NINL: variants seen among roughly 807,000 people sequenced by gnomAD.
NINL encodes ninein like, also known as ninein-like protein.
A neutral mutation model predicts 160.3 loss-of-function variants in NINL; 153 were observed. The ratio of observed to expected loss-of-function variants is 0.95; its 90% confidence interval spans 0.84 to 1.09. The LOEUF (loss-of-function observed/expected upper bound fraction) is 1.09, where lower values mean the gene tolerates loss of function less well. Ranked by LOEUF, NINL falls within the 50% of genes least tolerant of loss-of-function variation. The pLI is 0.00. For missense variants in NINL, 1,829 were observed against 1,764.0 expected (o/e 1.04, Z -0.66); for synonymous variants, 800 against 734.8 (o/e 1.09, Z -1.43).
rs112890971 is a variant in NINL at position 25,552,588 on chromosome 20, C to T, written c.-11-25990G>A. Among the ~76,000 whole-genome samples, 1,126 of 152,318 alleles carry T rather than the reference C, an allele frequency of 7.4e-3. 8 individuals are homozygous for T. Among genetic ancestry groups the T allele is most frequent in the Non-Finnish European group, 0.012 (827 of 68,026 alleles). ...CTATACAGACAGAGGCATGCTTGCT[C>T]GCCCTTCTGTCTAAATCACGGAGGG... is the stretch of plus-strand genomic sequence containing the variant. On this transcript the variant is annotated intron_variant, in intron 1 of 23. Coordinates refer to ENST00000278886, the MANE Select transcript of NINL (RefSeq NM_025176.6).
chr20:25,466,071 G>C (rs1284112689), intron 19 of NINL, among the ~76,000 whole-genome samples: 1 of 152,064 alleles, frequency 6.6e-6, no homozygotes, highest in Non-Finnish European at 1.5e-5. Flanking sequence ...TGTCAGGCTG[G>C]AGTGCAGTGG....
At chr20:25,520,121 T>C (rs1228869478) in intron 2 of NINL, among the ~76,000 whole-genome samples, 1 of 150,898 alleles carries the variant, frequency 6.6e-6, no homozygotes, top group African/African-American at 2.4e-5. Context: ...TGACCTTTGG[T>C]AGTAGAGGAA....
Position 25,526,610 on chromosome 20 carries a change from C to G in NINL, c.-11-12G>C. The G allele has an allele frequency of 1.2e-6, 2 of 1,605,800 alleles. No homozygotes were observed. The highest frequency in any genetic ancestry group is 2.2e-5 in the South Asian group (2 of 90,670). On this transcript the variant is annotated splice_polypyrimidine_tract_variant and intron_variant, in intron 1 of 23. Transcript: ENST00000278886. ...CATCCCATAGCAGGCTGGCAGTGTG[C>G]AAGGGAAGAAGAAAACATCAGGACA...
At chr20:25,554,223 C>G (rs1243132315) in intron 1 of NINL, among the ~76,000 whole-genome samples, 5 of 152,030 alleles carry the variant, frequency 3.3e-5, no homozygotes, top group African/African-American at 1.2e-4. Context: ...CTCTGCGGAG[C>G]ATGGGGTCAG....
At chr20:25,553,663 G>A (rs1436518140) in intron 1 of NINL, among the ~76,000 whole-genome samples, 3 of 152,178 alleles carry the variant, frequency 2.0e-5, no homozygotes, top group African/African-American at 7.2e-5. Flanking sequence ...AGACTTGCAC[G>A]CCATTATGTG....
At chr20:25,488,712 C>T (rs1739819412) in intron 13 of NINL, among the ~76,000 whole-genome samples, 1 of 151,930 alleles carries the variant, frequency 6.6e-6, no homozygotes, top group Non-Finnish European at 1.5e-5. Flanking sequence ...TGGAAAACAG[C>T]TATGTTCCCC....
At chr20:25,510,828 G>C in intron 4 of NINL, 88 bp from the exon 5 acceptor site, 1 of 980,266 alleles carries the variant, frequency 1.0e-6, no homozygotes, top group Non-Finnish European at 1.6e-6. Context: ...AGGATGTTTG[G>C]GGAAGTGGGG....
rs542345285 is a variant in NINL at position 25,508,542 on chromosome 20, C to A, written c.517+2132G>T. ...GGTACAGGGCACTGACTGGGAGCCA[C>A]TGACCCTGCCCACACCTCACCAGTG... On this transcript the variant is annotated intron_variant, in intron 5 of 23. Transcript: ENST00000278886. Among the ~76,000 whole-genome samples the A allele has an allele frequency of 5.9e-5, 9 of 152,364 alleles. No homozygotes were observed. In the Middle Eastern group the frequency reaches 0.01, roughly 173 times the overall value.
At chr20:25,491,316 C>T (rs772477704) in intron 11 of NINL, 35 bp downstream of exon 11, 2 of 1,578,860 alleles carry the variant, frequency 1.3e-6, no homozygotes, top group African/African-American at 2.7e-5. Flanking sequence ...TCAGGCACCC[C>T]CCCAGCTTCC....
chr20:25,552,308 A>C (rs945055188), intron 1 of NINL, among the ~76,000 whole-genome samples: 1 of 152,096 alleles, frequency 6.6e-6, no homozygotes, highest in Non-Finnish European at 1.5e-5. Flanking sequence ...CAAAGGTGGG[A>C]GGACCACTTG....
At chr20:25,497,234 G>A (rs116889249) in intron 9 of NINL, among the ~76,000 whole-genome samples, 4,007 of 152,356 alleles carry the variant, frequency 0.026, 63 homozygotes, top group Admixed American at 0.05. Context: ...ATCCCAGCAC[G>A]CTAGTGAGCA....
At chr20:25,570,845 G>A (rs2065047039) in intron 1 of NINL, among the ~76,000 whole-genome samples, 1 of 151,780 alleles carries the variant, frequency 6.6e-6, no homozygotes, top group South Asian at 2.1e-4. Context: ...TGGGACTGCA[G>A]GCACACGCCA....
intron 18 of NINL, among the ~76,000 whole-genome samples, chr20:25,469,599 T>C (rs1329468383): frequency 1.3e-5 from 2 of 152,008 alleles, no homozygotes; most frequent in African/African-American, 2.4e-5. Context: ...CTGAAGCTGT[T>C]ATCAGGAGAG....
intron 1 of NINL, among the ~76,000 whole-genome samples, chr20:25,555,209 C>G (rs2064852172): frequency 6.6e-6 from 1 of 152,190 alleles, no homozygotes. Flanking sequence ...TGGACATCAA[C>G]TTGTGTCCAC....
At chr20:25,471,168 GT>G (rs1331039905) in intron 17 of NINL, among the ~76,000 whole-genome samples, 1 of 151,856 alleles carries the variant, frequency 6.6e-6, no homozygotes, top group Non-Finnish European at 1.5e-5. Context: ...GATAATTTTT[GT>G]TGTGGTGGAG....
At position 25,453,390 on chromosome 20, in the gene NINL, C is replaced by G. The variant is rs1241947836; in HGVS notation, c.*61G>C. On this transcript the variant is annotated 3_prime_UTR_variant, in exon 24 of 24. Transcript: ENST00000278886. ...GGCTCATGACCCACGGAATCTAAGGCAGCACAGTGGCTTAATTTAAAAGAT... is the reference window on the plus strand; with the variant it reads ...GGCTCATGACCCACGGAATCTAAGGGAGCACAGTGGCTTAATTTAAAAGAT... 1 of 1,455,224 alleles carries G rather than the reference C, an allele frequency of 6.9e-7. No homozygotes were observed. The highest frequency in any genetic ancestry group is 9.4e-7 in the Non-Finnish European group (1 of 1,063,508). 90.1% of individuals were successfully genotyped at this position (1,455,224 alleles called of 1,614,324 possible). A position where few individuals can be genotyped will look rare whatever the true frequency, so the allele number is the denominator to read the frequency against.
rs1430306756 is a variant in NINL at position 25,453,505 on chromosome 20, A to C, written c.4095T>G (p.Val1365=). 8 of 1,613,990 alleles carry C rather than the reference A, an allele frequency of 5.0e-6. No homozygotes were observed. The highest frequency in any genetic ancestry group is 6.8e-6 in the Non-Finnish European group (8 of 1,179,942). The change falls in exon 24 of 24, where the codon GTT becomes GTG. Residue 1365 remains valine, a synonymous_variant. Transcript: ENST00000278886. ...TACTGACGAGTTTGTTGAGAGCGCG[A>C]ACTTTTTCTTCCAAGAGGCGGCTTT... ...EKQSRLLEEK[V]RALNKLVSRI... is the part of the protein sequence containing the mutation.
chr20:25,579,838 G>A (rs1303188856), intron 1 of NINL, among the ~76,000 whole-genome samples: 1 of 152,210 alleles, frequency 6.6e-6, no homozygotes, highest in Non-Finnish European at 1.5e-5. Context: ...ATTTAAGCCA[G>A]ACTGAGTTGG....
chr20:25,510,542 G>A (rs2064048717), intron 5 of NINL, 132 bp downstream of exon 5: 9 of 816,532 alleles, frequency 1.1e-5, no homozygotes, highest in Admixed American at 5.1e-5. Context: ...AGAATCCAGC[G>A]GGACACAACC....
Sources: allele counts gnomAD v4.1 joint callset (sites outside exome capture counted in the v4.1 genomes callset), GRCh38; gene constraint gnomAD v4.1.1; transcripts MANE v1.5; gene names NCBI Gene and HGNC (gene_info 2026-07-23, HGNC 2026-07-21).